NUMB: variants seen among roughly 807,000 people sequenced by gnomAD.
NUMB encodes the protein NUMB endocytic adaptor protein.
Under a neutral mutation model 59.7 loss-of-function variants are expected in NUMB, and 29 were observed. That is an observed-to-expected ratio of 0.49 (90% CI 0.36 to 0.66). The LOEUF (loss-of-function observed/expected upper bound fraction) is 0.66, where lower values mean the gene tolerates loss of function less well. Among genes scored for constraint, NUMB ranks in the 30% least tolerant of loss-of-function variants. NUMB has a pLI of 0.00. For synonymous variants in NUMB, 288 were observed against 288.2 expected, an observed-to-expected ratio of 1.00 and a Z score of 0.01; for missense variants, 723 against 822.0, an observed-to-expected ratio of 0.88 and a Z score of 1.47.
intron 11 of NUMB, among the ~76,000 whole-genome samples, chr14:73,281,749 T>C (rs1384769540): frequency 6.6e-6 from 1 of 152,246 alleles, no homozygotes; most frequent in Non-Finnish European, 1.5e-5. Flanking sequence ...GGAGTGCCTT[T>C]TTCTTTATTA....
chr14:73,419,705 G>A (rs1897279862), intron 1 of NUMB, among the ~76,000 whole-genome samples: 1 of 151,884 alleles, frequency 6.6e-6, no homozygotes, highest in Non-Finnish European at 1.5e-5. Flanking sequence ...TCCCACCCAA[G>A]AACAGAAAGT....
chr14:73,373,047 T>C (rs904462172), intron 2 of NUMB, among the ~76,000 whole-genome samples: 3 of 152,200 alleles, frequency 2.0e-5, no homozygotes, highest in South Asian at 2.1e-4. Flanking sequence ...GTCATAAAAA[T>C]TGTAACCAGG....
chr14:73,355,969 C>G (rs1893759911), intron 3 of NUMB, among the ~76,000 whole-genome samples: 1 of 152,076 alleles, frequency 6.6e-6, no homozygotes, highest in Non-Finnish European at 1.5e-5. Context: ...TAAGTTCAAA[C>G]AAACAAATCA....
At position 73,293,021 on chromosome 14, in the gene NUMB, A is replaced by G. The variant is rs756804041; in HGVS notation, c.310-147T>C. The G allele has an allele frequency of 7.4e-6, 6 of 806,190 alleles. No homozygotes were observed. The African/African-American group carries it at 1.0e-4, about 14-fold the overall frequency. The allele number at this position is 806,190 out of a possible 1,614,324, so 49.9% of individuals were successfully genotyped here. Reference sequence around the variant, plus strand: ...CCTAGATCTGTGTCCAGCAGTTTAAATACTGAGAATTGGACTCAGCAGACA... The same window carrying G: ...CCTAGATCTGTGTCCAGCAGTTTAAGTACTGAGAATTGGACTCAGCAGACA... On this transcript the variant is annotated intron_variant, in intron 7 of 12. Coordinates refer to ENST00000555238, the MANE Select transcript of NUMB (RefSeq NM_001005743.2).
intron 1 of NUMB, among the ~76,000 whole-genome samples, chr14:73,411,323 G>A (rs2140134491): frequency 6.7e-6 from 1 of 148,682 alleles, no homozygotes; most frequent in African/African-American, 2.5e-5. Flanking sequence ...GTAGTCGTAG[G>A]ATGAGTTAAT....
chr14:73,401,130 A>T (rs962406368), intron 2 of NUMB, among the ~76,000 whole-genome samples: 9 of 152,174 alleles, frequency 5.9e-5, no homozygotes, highest in Non-Finnish European at 8.8e-5. Flanking sequence ...AAAATGTAGG[A>T]TACCCAGCTG....
intron 4 of NUMB, among the ~76,000 whole-genome samples, chr14:73,355,254 T>C (rs1392284805): frequency 2.0e-5 from 3 of 152,204 alleles, no homozygotes; most frequent in Non-Finnish European, 4.4e-5. Flanking sequence ...AAGACTTGTA[T>C]TTAAGAGAGC....
Position 73,316,423 on chromosome 14 carries a change from C to A in NUMB, c.202-1G>T. ...AGAAGCCTTTGAAGAACTTCCTTTC[C>A]TGGAGGAACAGGGGGACAAGTCGAG... On this transcript the variant is annotated splice_acceptor_variant, in intron 5 of 12. Transcript: ENST00000555238. LOFTEE classifies it high-confidence loss of function. 6.2e-7 allele frequency: 1 copy of A among 1,613,600 alleles called. No homozygotes were observed. Among genetic ancestry groups the A allele is most frequent in the Non-Finnish European group, 8.5e-7 (1 of 1,179,740 alleles).
intron 6 of NUMB, among the ~76,000 whole-genome samples, chr14:73,310,261 G>T (rs764552813): frequency 4.6e-5 from 7 of 152,198 alleles, no homozygotes; most frequent in Non-Finnish European, 8.8e-5. Flanking sequence ...CTCAGGTCAG[G>T]AAACTGTTGC....
At chr14:73,429,944 CAAA>C (rs536071845) in intron 1 of NUMB, among the ~76,000 whole-genome samples, 1 of 120,776 alleles carries the variant, frequency 8.3e-6, no homozygotes. Flanking sequence ...GACTCTGTCT[CAAA>C]AAAAAAAAAA....
intron 2 of NUMB, among the ~76,000 whole-genome samples, chr14:73,388,822 G>A (rs192786102): frequency 6.6e-6 from 1 of 152,248 alleles, no homozygotes; most frequent in African/African-American, 2.4e-5. Context: ...AATGGGCCGG[G>A]CGCAGTGGCT....
intron 1 of NUMB, among the ~76,000 whole-genome samples, chr14:73,442,138 C>T (rs2140189088): frequency 6.6e-6 from 1 of 151,118 alleles, no homozygotes; most frequent in Admixed American, 6.6e-5. Flanking sequence ...TAGCTTGAGC[C>T]CAGGGGTTCA....
chr14:73,345,996 T>C (rs1274739933), intron 4 of NUMB, among the ~76,000 whole-genome samples: 2 of 152,182 alleles, frequency 1.3e-5, no homozygotes, highest in Admixed American at 6.5e-5. Context: ...TTGAATAGCA[T>C]ATTTCTAATG....
At chr14:73,374,719 CTTT>C (rs368185389) in intron 2 of NUMB, among the ~76,000 whole-genome samples, 1,273 of 119,242 alleles carry the variant, frequency 0.011, 10 homozygotes, top group African/African-American at 0.038. Flanking sequence ...GTTACATTAA[CTTT>C]TTTTTTTTTT....
intron 1 of NUMB, among the ~76,000 whole-genome samples, chr14:73,457,159 T>C (rs991019746): frequency 6.6e-6 from 1 of 152,152 alleles, no homozygotes; most frequent in South Asian, 2.1e-4. Flanking sequence ...TCAAAACTTC[T>C]TTTCACTTTA....
Position 73,430,751 on chromosome 14 carries a change from C to T in NUMB, c.-232-20683G>A, listed in dbSNP as rs545428496. ...GGTCAGGAGATCGAGACCATTCTGG[C>T]TAACACGGTGAAACCCCGTCTCTAC... On this transcript the variant is annotated intron_variant, in intron 1 of 12. Transcript: ENST00000555238. 3.1e-4 allele frequency among the ~76,000 whole-genome samples: 47 copies of T among 151,994 alleles called. No homozygotes were observed. In the South Asian group the frequency reaches 9.6e-3, roughly 31 times the overall value.
intron 4 of NUMB, among the ~76,000 whole-genome samples, chr14:73,341,265 A>T (rs905808215): frequency 3.9e-5 from 6 of 152,202 alleles, no homozygotes; most frequent in African/African-American, 7.2e-5. Context: ...GTGGTGGGGA[A>T]TCAAGATATA....
At chr14:73,372,930 A>C (rs779893361) in intron 2 of NUMB, among the ~76,000 whole-genome samples, 4 of 152,186 alleles carry the variant, frequency 2.6e-5, no homozygotes, top group Non-Finnish European at 4.4e-5. Context: ...AGTGGAGGTG[A>C]AATACAGTTA....
chr14:73,405,910 G>C (rs2140125218), intron 2 of NUMB, among the ~76,000 whole-genome samples: 1 of 151,914 alleles, frequency 6.6e-6, no homozygotes. Context: ...TAAAAACTCT[G>C]ATAACTGAGA....
Sources: gnomAD v4.1 joint callset for allele counts (sites outside exome capture counted in the v4.1 genomes callset) on GRCh38, gnomAD v4.1.1 for gene constraint, MANE v1.5 for transcripts, NCBI Gene and HGNC (gene_info 2026-07-23, HGNC 2026-07-21) for gene names.